Variants in CNTN4 observed in about 807,000 individuals in gnomAD.
The protein encoded by CNTN4 is contactin 4.
In CNTN4, 77 loss-of-function variants were observed where a neutral mutation model predicts 122.5. The ratio of observed to expected loss-of-function variants is 0.63; its 90% confidence interval spans 0.52 to 0.76. The LOEUF (loss-of-function observed/expected upper bound fraction) is 0.76. Ranked by LOEUF, CNTN4 falls within the 30% of genes least tolerant of loss-of-function variation. CNTN4 has a pLI of 0.00. For synonymous variants in CNTN4, 512 were observed against 447.0 expected (o/e 1.15, Z -1.83); for missense variants, 1,256 against 1,259.1 (o/e 1.00, Z 0.04).
intron 3 of CNTN4, among the ~76,000 whole-genome samples, chr3:2,356,266 A>G (rs1469148098): frequency 6.6e-6 from 1 of 152,208 alleles, no homozygotes; most frequent in Non-Finnish European, 1.5e-5. Flanking sequence ...TGGCTACTCC[A>G]TAGGCAGAGC....
intron 3 of CNTN4, among the ~76,000 whole-genome samples, chr3:2,411,400 G>A (rs927471913): frequency 1.3e-5 from 2 of 152,128 alleles, no homozygotes; most frequent in African/African-American, 4.8e-5. Flanking sequence ...ATATTGAGAT[G>A]TTTATTTAAT....
intron 3 of CNTN4, among the ~76,000 whole-genome samples, chr3:2,523,370 A>T (rs202241520): frequency 6.7e-6 from 1 of 150,228 alleles, no homozygotes; most frequent in East Asian, 2.0e-4. Context: ...AAAAAAAAAA[A>T]AACAAAACTT....
chr3:2,524,159 C>G lies in CNTN4; in HGVS notation c.-88-47257C>G, dbSNP rs902651521. Among the ~76,000 whole-genome samples, 4 of 152,048 alleles carry G rather than the reference C, an allele frequency of 2.6e-5. No homozygotes were observed. In the East Asian group the frequency reaches 7.7e-4, roughly 29 times the overall value. ...TTCACAGTCGCTTCCCATTTCTCCT[C>G]AATCCCTCCCTAGACCAACAATAAT... is the stretch of plus-strand genomic sequence containing the variant. On this transcript the variant is annotated intron_variant, in intron 3 of 24. Transcript: ENST00000418658.
chr3:2,753,748 T>C (rs1303455776), intron 6 of CNTN4, among the ~76,000 whole-genome samples: 1 of 152,252 alleles, frequency 6.6e-6, no homozygotes, highest in African/African-American at 2.4e-5. Flanking sequence ...TTAACAATCT[T>C]TGATATAGTA....
At chr3:3,048,109 C>T (rs1700860862) in intron 23 of CNTN4, among the ~76,000 whole-genome samples, 1 of 152,108 alleles carries the variant, frequency 6.6e-6, no homozygotes, top group Non-Finnish European at 1.5e-5. Flanking sequence ...CAAGGAAGGT[C>T]ACTGTAACTG....
intron 3 of CNTN4, among the ~76,000 whole-genome samples, chr3:2,412,778 A>G (rs1327578292): frequency 6.6e-6 from 1 of 152,166 alleles, no homozygotes; most frequent in Non-Finnish European, 1.5e-5. Flanking sequence ...ATCGTATAGT[A>G]GTTAGGATAG....
intron 2 of CNTN4, among the ~76,000 whole-genome samples, chr3:2,149,544 C>T (rs2035402620): frequency 6.6e-6 from 1 of 152,132 alleles, no homozygotes; most frequent in Admixed American, 6.5e-5. Context: ...TGCATTCCCT[C>T]AGGCCACAGG....
rs1225802109 is a variant in CNTN4 at position 2,745,555 on chromosome 3, T to G, written c.216T>G (p.Gly72=). The change falls in exon 6 of 25, where the codon GGT becomes GGG. Residue 72 remains glycine (G), a synonymous_variant. Coordinates refer to ENST00000418658, the MANE Select transcript of CNTN4 (RefSeq NM_175607.3). ...TAAATGGAACAGATGTTGACACTGG[T>G]ATGGATTTCCGCTACAGTGTTGTTG... ...WKLNGTDVDT[G]MDFRYSVVEG... is the part of the protein sequence containing the mutation. 6.3e-5 allele frequency: 101 copies of G among 1,614,150 alleles called. No individual in the cohort carries two copies. Among genetic ancestry groups the G allele is most frequent in the Non-Finnish European group, 8.6e-5 (101 of 1,179,988 alleles).
At chr3:2,515,974 G>A (rs557658215) in intron 3 of CNTN4, among the ~76,000 whole-genome samples, 11 of 152,106 alleles carry the variant, frequency 7.2e-5, no homozygotes, top group African/African-American at 1.7e-4. Flanking sequence ...TGGATGATAA[G>A]TGGCCATTTG....
intron 6 of CNTN4, among the ~76,000 whole-genome samples, chr3:2,780,904 T>C (rs1161581124): frequency 3.3e-5 from 5 of 152,200 alleles, no homozygotes; most frequent in Admixed American, 1.3e-4. Context: ...ATTGTAAATA[T>C]CTCTCACAAT....
At chr3:2,454,924 T>A (rs1241886081) in intron 3 of CNTN4, among the ~76,000 whole-genome samples, 3 of 152,140 alleles carry the variant, frequency 2.0e-5, no homozygotes, top group African/African-American at 4.8e-5. Flanking sequence ...TTTAGAGATA[T>A]CATAATAAGC....
chr3:2,669,805 T>G (rs1162105811), intron 4 of CNTN4, among the ~76,000 whole-genome samples: 2 of 152,236 alleles, frequency 1.3e-5, no homozygotes, highest in South Asian at 4.1e-4. Flanking sequence ...TTTGTTCTCC[T>G]TGGTTTCCAA....
chr3:2,287,781 GAAGAA>G (rs2041996041), intron 2 of CNTN4, among the ~76,000 whole-genome samples: 1 of 150,608 alleles, frequency 6.6e-6, no homozygotes, highest in African/African-American at 2.4e-5. Flanking sequence ...AGAAGAAGGA[GAAGAA>G]GAGGAGGAAG....
chr3:2,948,943 CA>C (rs1349052394), intron 13 of CNTN4, among the ~76,000 whole-genome samples: 1 of 152,026 alleles, frequency 6.6e-6, no homozygotes, highest in African/African-American at 2.4e-5. Context: ...CAAAAATAGA[CA>C]ACTAATCAGC....
At chr3:2,994,974 C>T (rs183304419) in intron 14 of CNTN4, among the ~76,000 whole-genome samples, 4 of 152,226 alleles carry the variant, frequency 2.6e-5, no homozygotes, top group Admixed American at 6.5e-5. Flanking sequence ...TCCACTGGAA[C>T]CAATTATTTC....
intron 4 of CNTN4, among the ~76,000 whole-genome samples, chr3:2,577,465 G>C (rs946539952): frequency 2.0e-5 from 3 of 152,060 alleles, no homozygotes; most frequent in African/African-American, 7.2e-5. Context: ...TTTAGTATTT[G>C]CTTGTTTTAT....
intron 3 of CNTN4, among the ~76,000 whole-genome samples, chr3:2,557,149 T>C (rs1266839328): frequency 6.6e-6 from 1 of 152,218 alleles, no homozygotes; most frequent in Non-Finnish European, 1.5e-5. Context: ...ATGATTCAAC[T>C]ATTTCTTAGT....
intron 2 of CNTN4, among the ~76,000 whole-genome samples, chr3:2,120,405 A>ATATATATT (rs1428527983): frequency 2.9e-4 from 12 of 40,862 alleles, no homozygotes; most frequent in South Asian, 9.4e-4. Context: ...ATATATATAT[A>ATATATATT]TTTTTTTTTT....
At chr3:2,653,375 G>C (rs767733166) in intron 4 of CNTN4, among the ~76,000 whole-genome samples, 4 of 152,138 alleles carry the variant, frequency 2.6e-5, no homozygotes, top group Non-Finnish European at 5.9e-5. Flanking sequence ...ACATTAACCA[G>C]AGCTGTAGAT....
Sources: allele counts gnomAD v4.1 joint callset (sites outside exome capture counted in the v4.1 genomes callset), GRCh38; gene constraint gnomAD v4.1.1; transcripts MANE v1.5; gene names NCBI Gene and HGNC (gene_info 2026-07-23, HGNC 2026-07-21).